The following MYOM1 variants were observed in gnomAD, a reference collection of about 807,000 sequenced individuals.
MYOM1 encodes myomesin-1.
MYOM1 carries 164 observed loss-of-function variants against 205.3 expected under a neutral mutation model. The ratio of observed to expected loss-of-function variants is 0.80; its 90% confidence interval spans 0.70 to 0.91. MYOM1 has a LOEUF of 0.91. Ranked by LOEUF, MYOM1 falls within the 40% of genes least tolerant of loss-of-function variation. The pLI is 0.00. For synonymous variants in MYOM1, 772 were observed against 789.4 expected (o/e 0.98, Z 0.37); for missense variants, 2,011 against 2,127.3 (o/e 0.95, Z 1.08).
Position 3,151,907 on chromosome 18 carries a change from C to A in MYOM1, c.1644-14G>T. On this transcript the variant is annotated splice_polypyrimidine_tract_variant and intron_variant, in intron 11 of 37. Coordinates refer to ENST00000356443, the MANE Select transcript of MYOM1 (RefSeq NM_003803.4). ...CCCACCTCACACCTAAAGGAATGAGCGTGATTGACAAAAATATTAAAAGAA... is the reference window on the plus strand; with the variant it reads ...CCCACCTCACACCTAAAGGAATGAGAGTGATTGACAAAAATATTAAAAGAA... The A allele has an allele frequency of 6.2e-7, 1 of 1,603,666 alleles. No individual in the cohort carries two copies.
At position 3,094,395 on chromosome 18, in the gene MYOM1, C is replaced by A. The variant is rs80021124; in HGVS notation, c.3728-89G>T. The stretch of plus-strand genomic sequence containing the variant: ...CCATCAAGTGAAAAAAAAAAAAAAA[C>A]CACACAATGGAAATGACAATGTAGC... On this transcript the variant is annotated intron_variant, in intron 25 of 37. Transcript: ENST00000356443. 7,605 of 960,194 alleles carry A rather than the reference C, an allele frequency of 7.9e-3. 9 individuals are homozygous for A. Among genetic ancestry groups the A allele is most frequent in the South Asian group, 0.013 (658 of 51,100 alleles). 59.5% of individuals were successfully genotyped at this position (960,194 alleles called of 1,614,324 possible). A position where few individuals can be genotyped will look rare whatever the true frequency, so the allele number is the denominator to read the frequency against.
chr18:3,242,633 C>T, the MYOM1 span, among the ~76,000 whole-genome samples: 4 of 152,086 alleles, frequency 2.6e-5, no homozygotes, highest in Non-Finnish European at 5.9e-5. Context: ...CTCAGCCTCC[C>T]GAGTAGCTGG....
intron 35 of MYOM1, 78 bp downstream of exon 35, chr18:3,075,647 C>T: frequency 6.6e-7 from 1 of 1,507,694 alleles, no homozygotes; most frequent in Non-Finnish European, 9.2e-7. Flanking sequence ...CTTTCTAACA[C>T]TCAGAGGGGC....
Position 3,179,549 on chromosome 18 carries a change from C to T in MYOM1, c.930-3415G>A, listed in dbSNP as rs944905667. 6.6e-6 allele frequency among the ~76,000 whole-genome samples: 1 copy of T among 152,112 alleles called. No individual in the cohort carries two copies. The highest frequency in any genetic ancestry group is 2.4e-5 in the African/African-American group (1 of 41,420). On this transcript the variant is annotated intron_variant, in intron 5 of 37. Transcript: ENST00000356443. This position sits in a 1 kb window ranked among gnomAD's most constrained non-coding sequence, Gnocchi z 4.4. ...GAGAGGGTGGGACTGGCTTAAGAAT[C>T]GCAGCTGTGTGGCAGGTGCAGCAAC...
chr18:3,185,305 C>A (rs534492127), intron 5 of MYOM1, among the ~76,000 whole-genome samples: 3 of 152,174 alleles, frequency 2.0e-5, no homozygotes, highest in Admixed American at 6.5e-5. Context: ...ATGTTTATCT[C>A]CCAGAAGCTA....
chr18:3,108,745 T>A (rs902977419), intron 22 of MYOM1, among the ~76,000 whole-genome samples: 1 of 152,156 alleles, frequency 6.6e-6, no homozygotes, highest in Non-Finnish European at 1.5e-5. Flanking sequence ...TTCACCATGT[T>A]GGCCAGGCTG....
At chr18:3,160,578 T>C (rs756779126) in intron 10 of MYOM1, among the ~76,000 whole-genome samples, 72 of 152,328 alleles carry the variant, frequency 4.7e-4, no homozygotes, top group Non-Finnish European at 5.6e-4. Context: ...TGAGTGAACT[T>C]TATGGTATAC....
At chr18:3,156,003 C>G (rs2080296672) in intron 10 of MYOM1, among the ~76,000 whole-genome samples, 1 of 152,198 alleles carries the variant, frequency 6.6e-6, no homozygotes, top group Non-Finnish European at 1.5e-5. Context: ...ATACAGGAAA[C>G]ACTACAATCC....
At chr18:3,118,005 C>T (rs535871598) in intron 20 of MYOM1, among the ~76,000 whole-genome samples, 106 of 152,258 alleles carry the variant, frequency 7.0e-4, no homozygotes, top group African/African-American at 2.4e-3. Flanking sequence ...GGAGCAGTAT[C>T]CCTGCCCTAC....
intron 5 of MYOM1, among the ~76,000 whole-genome samples, chr18:3,178,090 A>C (rs1243954527): frequency 6.6e-6 from 1 of 152,140 alleles, no homozygotes; most frequent in Non-Finnish European, 1.5e-5. Flanking sequence ...TTTTCTACTT[A>C]AACCATTTTC....
intron 19 of MYOM1, among the ~76,000 whole-genome samples, 152 bp downstream of exon 19, chr18:3,126,549 T>C (rs1172494288): frequency 6.6e-6 from 1 of 152,154 alleles, no homozygotes; most frequent in Non-Finnish European, 1.5e-5. Flanking sequence ...TTCACCACAG[T>C]ATATTTTTCA....
intron 2 of MYOM1, among the ~76,000 whole-genome samples, chr18:3,210,091 T>G: frequency 6.6e-6 from 1 of 152,306 alleles, no homozygotes; most frequent in Non-Finnish European, 1.5e-5. Context: ...ATTTTCCTCA[T>G]TTTACAGAAA....
chr18:3,189,361 CT>C lies in MYOM1; in HGVS notation c.432-275del, dbSNP rs35154072. On this transcript the variant is annotated intron_variant, in intron 3 of 37. Transcript: ENST00000356443. This position sits in a 1 kb window ranked among gnomAD's most constrained non-coding sequence, Gnocchi z 4.8. ...CCCCTTACAAACCCTATGAGATAAA[CT>C]TTTTTTTTTTTTTTGATATGGAGTC... Among the ~76,000 whole-genome samples the C allele has an allele frequency of 9.2e-4, 133 of 143,936 alleles. No homozygotes were observed. Among genetic ancestry groups the C allele is most frequent in the Non-Finnish European group, 7.9e-4 (52 of 65,778 alleles). The allele number at this position is 143,936 out of a possible 152,430, so 94.4% of individuals were successfully genotyped here. A position where few individuals can be genotyped will look rare whatever the true frequency, so the allele number is the denominator to read the frequency against.
At chr18:3,162,924 G>A (rs1010257864) in intron 10 of MYOM1, among the ~76,000 whole-genome samples, 3 of 152,062 alleles carry the variant, frequency 2.0e-5, no homozygotes, top group African/African-American at 7.2e-5. Context: ...TACTCGGGAG[G>A]CTGACGCAAG....
chr18:3,155,504 G>A (rs539168226), intron 10 of MYOM1, among the ~76,000 whole-genome samples: 57 of 152,292 alleles, frequency 3.7e-4, no homozygotes, highest in African/African-American at 7.5e-4. Context: ...GATTACAGGC[G>A]TGAGCCATCA....
At chr18:3,085,454 T>C (rs1263904648) in intron 30 of MYOM1, among the ~76,000 whole-genome samples, 7 of 151,936 alleles carry the variant, frequency 4.6e-5, no homozygotes, top group Non-Finnish European at 1.5e-5. Context: ...AGAATTGCCA[T>C]CAAAACACTC....
intron 13 of MYOM1, among the ~76,000 whole-genome samples, chr18:3,148,712 G>A (rs1384624955): frequency 5.3e-5 from 8 of 151,384 alleles, no homozygotes; most frequent in South Asian, 2.1e-4. Flanking sequence ...CAGGCGTAGT[G>A]GCGGGCGCCT....
intron 8 of MYOM1, among the ~76,000 whole-genome samples, chr18:3,170,872 C>T (rs1174042050): frequency 6.6e-6 from 1 of 152,098 alleles, no homozygotes; most frequent in Non-Finnish European, 1.5e-5. Context: ...ACACTCATAA[C>T]TTCTCGACCC....
chr18:3,090,745 G>A lies in MYOM1; in HGVS notation c.3922C>T (p.Leu1308=), dbSNP rs761327552. 3.1e-6 allele frequency: 5 copies of A among 1,613,864 alleles called. No homozygotes were observed. The East Asian group carries it at 6.7e-5, about 22-fold the overall frequency. Reference sequence around the variant, plus strand: ...TACGTTCCCTCATCCTCATCCTGTAGCTTTTCCATGAACATTTCGATGATG... The same window carrying A: ...TACGTTCCCTCATCCTCATCCTGTAACTTTTCCATGAACATTTCGATGATG... ...TGIIEMFMEK[L]QDEDEGTYTF... The change falls in exon 27 of 38, where the codon CTA becomes TTA. Residue 1308 remains leucine (L), a synonymous_variant. Transcript: ENST00000356443.
Sources: gnomAD v4.1 joint callset for allele counts (sites outside exome capture counted in the v4.1 genomes callset) on GRCh38, gnomAD v4.1.1 for gene constraint, Gnocchi (gnomAD v3.1) non-coding constraint, MANE v1.5 for transcripts, NCBI Gene and HGNC (gene_info 2026-07-23, HGNC 2026-07-21) for gene names.